VIPAS39: variants seen among roughly 807,000 people sequenced by gnomAD.
VIPAS39 encodes the protein spermatogenesis-defective protein 39 homolog.
Under a neutral mutation model 84.7 loss-of-function variants are expected in VIPAS39, and 63 were observed. The ratio of observed to expected loss-of-function variants is 0.74; its 90% CI spans 0.61 to 0.92. VIPAS39 has a LOEUF of 0.92. Ranked by LOEUF, VIPAS39 falls within the 40% of genes least tolerant of loss-of-function variation. The pLI, the probability that VIPAS39 is intolerant of heterozygous loss-of-function variation, is 0.00. For missense variants in VIPAS39, 499 were observed against 604.5 expected (o/e 0.83, Z 1.83); for synonymous variants, 192 against 216.5 (o/e 0.89, Z 0.99).
intron 12 of VIPAS39, 125 bp downstream of exon 12, chr14:77,437,683 A>T (rs1296907062): frequency 2.0e-6 from 2 of 1,001,000 alleles, no homozygotes; most frequent in Non-Finnish European, 3.1e-6. Context: ...GTGACCCTGA[A>T]TGATGCTGGT....
intron 11 of VIPAS39, among the ~76,000 whole-genome samples, chr14:77,440,659 A>G (rs938496720): frequency 2.6e-5 from 4 of 152,190 alleles, no homozygotes; most frequent in Admixed American, 1.3e-4. Context: ...TCTTCTGTAT[A>G]TAATCAATAT....
intron 4 of VIPAS39, 150 bp downstream of exon 4, chr14:77,451,037 T>C: frequency 9.0e-7 from 1 of 1,111,318 alleles, no homozygotes; most frequent in Non-Finnish European, 1.3e-6. Flanking sequence ...TTCTCTCATT[T>C]ATCTCGCTCC....
At chr14:77,445,981 G>A (rs571876899) in intron 7 of VIPAS39, among the ~76,000 whole-genome samples, 1 of 151,088 alleles carries the variant, frequency 6.6e-6, no homozygotes, top group South Asian at 2.1e-4. Flanking sequence ...CTGGATGAAA[G>A]TCCTTTATAA....
At chr14:77,440,951 C>A in intron 11 of VIPAS39, 115 bp downstream of exon 11, 4 of 1,268,610 alleles carry the variant, frequency 3.2e-6, no homozygotes, top group Non-Finnish European at 4.5e-6. Context: ...CTCCTGACCT[C>A]AGGTGATCCA....
At chr14:77,457,126 C>CG (rs1020975156) in intron 1 of VIPAS39, 23 of 1,414,104 alleles carry the variant, frequency 1.6e-5, no homozygotes, top group Middle Eastern at 2.6e-4. Flanking sequence ...AATTATCTTC[C>CG]GAGCCAGGAA....
chr14:77,433,836 A>G lies in VIPAS39; in HGVS notation c.1179+6T>C. ...GGCCTCAGCAGCACAGGGGCAGGGCACACACCTTTGTGGTGAATAGGGCAT... is the reference window on the plus strand; with the variant it reads ...GGCCTCAGCAGCACAGGGGCAGGGCGCACACCTTTGTGGTGAATAGGGCAT... On this transcript the variant is annotated splice_donor_region_variant and intron_variant, in intron 16 of 19. Coordinates refer to ENST00000557658, the MANE Select transcript of VIPAS39 (RefSeq NM_001193315.2). 1 of 1,613,884 alleles carries G rather than the reference A, an allele frequency of 6.2e-7. No individual in the cohort carries two copies. The highest frequency in any genetic ancestry group is 1.7e-4 in the Middle Eastern group (1 of 6,058).
At position 77,429,010 on chromosome 14, in the gene VIPAS39, A is replaced by G. The variant is rs1384649001; in HGVS notation, c.1352T>C (p.Ile451Thr). 6.2e-7 allele frequency: 1 copy of G among 1,613,712 alleles called. No homozygotes were observed. Among genetic ancestry groups the G allele is most frequent in the Non-Finnish European group, 8.5e-7 (1 of 1,179,804 alleles). ...TCCCATTTCTTGGGGACTCACATCA[A>G]TGACGACATCATGGCACTTGAACTT... ...ATKFKCHDVV[I>T]DTYRDLKDRQ... The change falls in exon 18 of 20, where the codon ATT becomes ACT. Residue 451 changes from isoleucine to threonine, a missense_variant. Coordinates refer to ENST00000557658, the MANE Select transcript of VIPAS39 (RefSeq NM_001193315.2).
At chr14:77,428,823 G>A (rs560760888) in intron 18 of VIPAS39, among the ~76,000 whole-genome samples, 183 bp downstream of exon 18, 1 of 152,312 alleles carries the variant, frequency 6.6e-6, no homozygotes, top group South Asian at 2.1e-4. Flanking sequence ...AGAGAAAGCA[G>A]TCAGAGGGCT....
rs554269135 is a variant in VIPAS39, at chr14:77,443,561, C to G, written c.598-409G>C. ...CCCAGGAGTGTGAGATCAGCTTGGG[C>G]AACATAGCAAGACCCTGTCTCTACA... is the stretch of plus-strand genomic sequence containing the variant. On this transcript the variant is annotated intron_variant, in intron 8 of 19. Transcript: ENST00000557658. Among the ~76,000 whole-genome samples, 8 of 152,080 alleles carry G rather than the reference C, an allele frequency of 5.3e-5. 1 individual carries two copies. In the South Asian group the frequency reaches 1.7e-3, roughly 32 times the overall value.
intron 11 of VIPAS39, among the ~76,000 whole-genome samples, chr14:77,438,215 A>AATATGTTATATTGGACAACAC (rs2078645337): frequency 6.9e-6 from 1 of 144,730 alleles, no homozygotes; most frequent in African/African-American, 2.4e-5. Flanking sequence ...TGGACAACAC[A>AATATGTTATATTGGACAACAC]AATATGGAAA....
intron 11 of VIPAS39, among the ~76,000 whole-genome samples, chr14:77,440,734 C>T (rs965823827): frequency 3.9e-5 from 6 of 151,944 alleles, no homozygotes; most frequent in African/African-American, 4.8e-5. Context: ...TTTCTGGGTT[C>T]GTGAGACAGA....
At chr14:77,455,751 G>A (rs992779819) in intron 1 of VIPAS39, among the ~76,000 whole-genome samples, 1 of 152,172 alleles carries the variant, frequency 6.6e-6, no homozygotes, top group African/African-American at 2.4e-5. Flanking sequence ...GTTACTTCCT[G>A]ACTTTGTTTT....
At chr14:77,450,398 T>C (rs780976224) in intron 4 of VIPAS39, among the ~76,000 whole-genome samples, 1 of 152,238 alleles carries the variant, frequency 6.6e-6, no homozygotes, top group Non-Finnish European at 1.5e-5. Flanking sequence ...TGTTTCCATC[T>C]TTTGGCTATT....
chr14:77,444,693 G>A (rs2078758569), intron 7 of VIPAS39, among the ~76,000 whole-genome samples: 1 of 149,252 alleles, frequency 6.7e-6, no homozygotes, highest in Non-Finnish European at 1.5e-5. Flanking sequence ...CTGCCTCAGC[G>A]TCCTAAGTAG....
chr14:77,444,750 G>C (rs2078760002), intron 7 of VIPAS39, among the ~76,000 whole-genome samples: 1 of 150,592 alleles, frequency 6.6e-6, no homozygotes, highest in African/African-American at 2.4e-5. Flanking sequence ...TTTTTTTTTA[G>C]TAATTTAATT....
intron 3 of VIPAS39, among the ~76,000 whole-genome samples, chr14:77,452,189 A>G (rs930714805): frequency 6.6e-6 from 1 of 152,230 alleles, no homozygotes; most frequent in African/African-American, 2.4e-5. Flanking sequence ...AAAGATCTCC[A>G]AGCTATATTA....
intron 3 of VIPAS39, among the ~76,000 whole-genome samples, chr14:77,451,928 G>C (rs557061863): frequency 6.6e-6 from 1 of 152,232 alleles, no homozygotes; most frequent in Admixed American, 6.5e-5. Flanking sequence ...GGTCAATTTG[G>C]CAATATCTAC....
intron 7 of VIPAS39, among the ~76,000 whole-genome samples, chr14:77,445,871 C>A (rs1033720281): frequency 6.7e-6 from 1 of 149,184 alleles, no homozygotes; most frequent in East Asian, 2.0e-4. Flanking sequence ...ACCTGGGAGG[C>A]GTAGGTTGCA....
chr14:77,429,734 T>C lies in VIPAS39; in HGVS notation c.1213A>G (p.Ile405Val), dbSNP rs141567561. 15 of 1,614,020 alleles carry C rather than the reference T, an allele frequency of 9.3e-6. No homozygotes were observed. Among genetic ancestry groups the C allele is most frequent in the Non-Finnish European group, 1.3e-5 (15 of 1,180,028 alleles). ...ATTTCGACAACCCGATGGAAGCCAATGGGTGCTCTCTTCTTGGTATAGCCC... is the reference window on the plus strand; with the variant it reads ...ATTTCGACAACCCGATGGAAGCCAACGGGTGCTCTCTTCTTGGTATAGCCC... ...WLGYTKKRAP[I>V]GFHRVVEILH... is the part of the protein sequence containing the mutation. Residue 405 changes from isoleucine to valine, a missense_variant, in exon 17 of 20, where the codon ATT (isoleucine) becomes GTT (valine). Coordinates refer to ENST00000557658, the MANE Select transcript of VIPAS39 (RefSeq NM_001193315.2).
Sources: gnomAD v4.1 joint callset for allele counts (sites outside exome capture counted in the v4.1 genomes callset) on GRCh38, gnomAD v4.1.1 for gene constraint, MANE v1.5 for transcripts, NCBI Gene and HGNC (gene_info 2026-07-23, HGNC 2026-07-21) for gene names.